The following NTM variants were observed in gnomAD, a reference collection of about 807,000 sequenced individuals.
NTM encodes the protein IgLON family member 2.
In NTM, 13 loss-of-function variants were observed where a neutral mutation model predicts 42.1. The ratio of observed to expected loss-of-function variants is 0.31; its 90% CI spans 0.20 to 0.49. The LOEUF is 0.49. NTM is among the 20% of genes least tolerant of loss of function. NTM has a pLI of 0.99. For synonymous variants in NTM, 187 were observed against 179.2 expected (o/e 1.04, Z -0.35); for missense variants, 373 against 452.8 (o/e 0.82, Z 1.60).
chr11:132,147,569 A>G (rs2137358799), intron 3 of NTM, among the ~76,000 whole-genome samples: 1 of 151,848 alleles, frequency 6.6e-6, no homozygotes, highest in Non-Finnish European at 1.5e-5. Context: ...TCTCTTTTTT[A>G]GGACTTTTGT....
chr11:132,260,463 C>G (rs533488137), intron 4 of NTM, among the ~76,000 whole-genome samples: 1 of 152,146 alleles, frequency 6.6e-6, no homozygotes, highest in Admixed American at 6.5e-5. Context: ...TAAGAAAGTT[C>G]TAAACTTTGC....
At chr11:131,881,318 C>T (rs1322391997) in intron 1 of NTM, among the ~76,000 whole-genome samples, 3 of 152,144 alleles carry the variant, frequency 2.0e-5, no homozygotes, top group Non-Finnish European at 2.9e-5. Flanking sequence ...TTTGAGGGAG[C>T]ACTTCAGTAG....
chr11:131,742,614 A>G (rs2081328365), intron 1 of NTM, among the ~76,000 whole-genome samples: 2 of 152,194 alleles, frequency 1.3e-5, no homozygotes, highest in Admixed American at 1.3e-4. Flanking sequence ...ACTTATGTCA[A>G]TTGTAATATG....
At chr11:131,444,641 TTATGAC>T (rs1282075338) in intron 1 of NTM, among the ~76,000 whole-genome samples, 2 of 152,168 alleles carry the variant, frequency 1.3e-5, no homozygotes. Context: ...TTGAATGTGT[TTATGAC>T]TATACTAGAG....
chr11:132,007,192 C>G (rs2071000187), intron 2 of NTM, among the ~76,000 whole-genome samples: 1 of 152,188 alleles, frequency 6.6e-6, no homozygotes, highest in Admixed American at 6.5e-5. Context: ...CCTACTTATC[C>G]TGACTGTTAC....
At chr11:131,604,063 A>G (rs1396962619) in intron 1 of NTM, among the ~76,000 whole-genome samples, 1 of 152,206 alleles carries the variant, frequency 6.6e-6, no homozygotes, top group Admixed American at 6.5e-5. Flanking sequence ...GGAGTGGGTC[A>G]TATGATAACT....
At chr11:132,059,236 T>C (rs2080215673) in intron 2 of NTM, among the ~76,000 whole-genome samples, 1 of 152,148 alleles carries the variant, frequency 6.6e-6, no homozygotes, top group Admixed American at 6.5e-5. Flanking sequence ...GTCGGACACA[T>C]GGGATTCACG....
intron 1 of NTM, among the ~76,000 whole-genome samples, chr11:131,805,180 C>T (rs956151287): frequency 6.6e-6 from 1 of 152,210 alleles, no homozygotes; most frequent in Non-Finnish European, 1.5e-5. Context: ...CAGCACCTAG[C>T]ATGGAATAAG....
chr11:131,713,376 A>G (rs1187426046), intron 1 of NTM, among the ~76,000 whole-genome samples: 1 of 152,118 alleles, frequency 6.6e-6, no homozygotes, highest in African/African-American at 2.4e-5. Context: ...TCCTAGCTAC[A>G]TGGTCCAGCC....
intron 1 of NTM, among the ~76,000 whole-genome samples, chr11:131,805,809 A>G (rs2092449025): frequency 1.3e-5 from 2 of 152,288 alleles, no homozygotes; most frequent in South Asian, 2.1e-4. Flanking sequence ...ATTCTTATAT[A>G]CTTGTATTGC....
chr11:131,970,853 A>G lies in NTM; in HGVS notation c.167+59205A>G, dbSNP rs552344208. Among the ~76,000 whole-genome samples, 234 of 152,236 alleles carry G rather than the reference A, an allele frequency of 1.5e-3. 5 individuals are homozygous for G. Among genetic ancestry groups the G allele is most frequent in the Non-Finnish European group, 2.6e-4 (18 of 68,008 alleles). On this transcript the variant is annotated intron_variant, in intron 2 of 8. Coordinates refer to ENST00000683400, the MANE Select transcript of NTM (RefSeq NM_001352005.2). ...TATTTTTCCCCTCATCTCTGATTCT[A>G]TGCCTTGTCCCTTTCTGCTACAGCT...
chr11:131,500,433 C>T (rs2046593578), intron 1 of NTM, among the ~76,000 whole-genome samples: 1 of 151,442 alleles, frequency 6.6e-6, no homozygotes, highest in Non-Finnish European at 1.5e-5. Context: ...AGTCTCACAA[C>T]AGTCCTGCTA....
At chr11:131,808,422 G>A (rs1242082891) in intron 1 of NTM, among the ~76,000 whole-genome samples, 1 of 152,172 alleles carries the variant, frequency 6.6e-6, no homozygotes, top group Non-Finnish European at 1.5e-5. Flanking sequence ...CTTCAGCAAA[G>A]CATCTAAGAT....
intron 1 of NTM, among the ~76,000 whole-genome samples, chr11:131,710,578 G>C (rs938908206): frequency 2.0e-5 from 3 of 152,064 alleles, no homozygotes; most frequent in African/African-American, 4.8e-5. Context: ...TCAGTCCCTT[G>C]CCTTTAATTC....
chr11:131,868,550 A>G (rs1033936168), intron 1 of NTM, among the ~76,000 whole-genome samples: 2 of 152,098 alleles, frequency 1.3e-5, no homozygotes, highest in Non-Finnish European at 2.9e-5. Context: ...CCTGGCTCCA[A>G]TCTGGAAATG....
intron 1 of NTM, among the ~76,000 whole-genome samples, chr11:131,891,738 C>T (rs892179541): frequency 1.3e-5 from 2 of 152,178 alleles, no homozygotes; most frequent in East Asian, 1.9e-4. Context: ...GCTGCCTTTT[C>T]TGATATTCAG....
intron 6 of NTM, among the ~76,000 whole-genome samples, chr11:132,310,597 A>AG (rs1163559966): frequency 6.6e-6 from 1 of 152,106 alleles, no homozygotes; most frequent in East Asian, 1.9e-4. Context: ...GCTTGCGTAA[A>AG]GGAGTTAGGA....
chr11:131,795,571 C>T (rs1326986724), intron 1 of NTM: 4 of 985,450 alleles, frequency 4.1e-6, no homozygotes, highest in African/African-American at 1.7e-5. Context: ...GTTTGCATAA[C>T]GGGAGTCCCC....
At chr11:131,885,338 A>T (rs528643293) in intron 1 of NTM, among the ~76,000 whole-genome samples, 9 of 152,298 alleles carry the variant, frequency 5.9e-5, no homozygotes, top group Admixed American at 4.6e-4. Context: ...CCAATCTAGC[A>T]TGGTGGAGCC....
Sources: gnomAD v4.1 joint callset for allele counts (sites outside exome capture counted in the v4.1 genomes callset) on GRCh38, gnomAD v4.1.1 for gene constraint, MANE v1.5 for transcripts, NCBI Gene and HGNC (gene_info 2026-07-23, HGNC 2026-07-21) for gene names.